Variants in GRB2 observed in about 807,000 individuals in gnomAD.
GRB2 encodes the protein growth factor receptor-bound protein 2.
In GRB2, 2 loss-of-function variants were observed where a neutral mutation model predicts 27.4. The observed-to-expected ratio is 0.07, with a 90% confidence interval of 0.03 to 0.23. GRB2 has a LOEUF of 0.23. GRB2 is among the 10% of genes least tolerant of loss of function. The pLI is 1.00. For missense variants in GRB2, 102 were observed against 282.4 expected (o/e 0.36, Z 4.58); for synonymous variants, 94 against 99.6 (o/e 0.94, Z 0.33).
rs564336224 is a variant in GRB2, at chr17:75,325,437, C to T, written c.299+461G>A. On this transcript the variant is annotated intron_variant, in intron 4 of 5. Coordinates refer to ENST00000316804, the MANE Select transcript of GRB2 (RefSeq NM_002086.5). The stretch of plus-strand genomic sequence containing the variant: ...TTACCCGCTCCCTTTCACACCTGAA[C>T]TTTCCACCGGGGAAATGCAAGCCCC... Among the ~76,000 whole-genome samples, 4 of 152,324 alleles carry T rather than the reference C, an allele frequency of 2.6e-5. No individual in the cohort carries two copies. The East Asian group carries it at 5.8e-4, about 22-fold the overall frequency.
At chr17:75,343,146 G>T (rs936851794) in intron 2 of GRB2, among the ~76,000 whole-genome samples, 4 of 151,606 alleles carry the variant, frequency 2.6e-5, no homozygotes, top group African/African-American at 9.7e-5. Context: ...GCTGGACCAG[G>T]GAGAGAGGAG....
intron 2 of GRB2, chr17:75,373,453 T>C (rs1271261426): frequency 6.6e-6 from 1 of 152,154 alleles, no homozygotes; most frequent in East Asian, 1.9e-4. Context: ...CAATTTAACT[T>C]CCAAGTTTAA....
chr17:75,382,301 G>C (rs530886093), intron 2 of GRB2, among the ~76,000 whole-genome samples: 70 of 151,658 alleles, frequency 4.6e-4, no homozygotes, highest in African/African-American at 1.6e-3. Flanking sequence ...TTAAACTAAA[G>C]AATAAATTAG....
intron 2 of GRB2, among the ~76,000 whole-genome samples, chr17:75,353,356 A>T (rs2078705933): frequency 6.6e-6 from 1 of 152,046 alleles, no homozygotes; most frequent in Non-Finnish European, 1.5e-5. Flanking sequence ...GACTGAAAAA[A>T]ATCCGTGTAT....
chr17:75,390,294 T>C (rs2078990173), intron 2 of GRB2, among the ~76,000 whole-genome samples: 1 of 152,154 alleles, frequency 6.6e-6, no homozygotes, highest in Non-Finnish European at 1.5e-5. Flanking sequence ...GTCTCTTAAT[T>C]CCTATAAGCA....
intron 2 of GRB2, among the ~76,000 whole-genome samples, chr17:75,382,954 C>G (rs2078938972): frequency 6.6e-6 from 1 of 152,172 alleles, no homozygotes; most frequent in Non-Finnish European, 1.5e-5. Context: ...CGTGATCCGC[C>G]TGCCTCGGCC....
chr17:75,404,976 G>A (rs1167002700), intron 1 of GRB2: 3 of 150,486 alleles, frequency 2.0e-5, no homozygotes, highest in Non-Finnish European at 4.4e-5. Flanking sequence ...TTTTTTAAGT[G>A]TCAGAATAAA....
intron 2 of GRB2, chr17:75,338,740 A>C (rs2078598997): frequency 1.9e-6 from 1 of 528,760 alleles, no homozygotes; most frequent in Non-Finnish European, 3.4e-6. Flanking sequence ...AATCAGGAAG[A>C]AATTTAAGAG....
chr17:75,363,483 G>A (rs1213507546), intron 2 of GRB2, among the ~76,000 whole-genome samples: 1 of 152,096 alleles, frequency 6.6e-6, no homozygotes, highest in Admixed American at 6.5e-5. Context: ...ACAAATGCAA[G>A]GAATGTTATA....
At chr17:75,357,835 C>T (rs185453459) in intron 2 of GRB2, among the ~76,000 whole-genome samples, 28 of 152,230 alleles carry the variant, frequency 1.8e-4, no homozygotes, top group Middle Eastern at 3.4e-3. Context: ...GCAGGAGAAC[C>T]GCTTGAATCT....
chr17:75,396,499 G>GC, intron 1 of GRB2, among the ~76,000 whole-genome samples: 1 of 152,150 alleles, frequency 6.6e-6, no homozygotes, highest in East Asian at 1.9e-4. Context: ...CTAGAGGCAG[G>GC]CCCCTCACGC....
chr17:75,345,658 C>T (rs992220105), intron 2 of GRB2, among the ~76,000 whole-genome samples: 79 of 152,226 alleles, frequency 5.2e-4, no homozygotes, highest in African/African-American at 1.9e-3. Flanking sequence ...AATCACATGA[C>T]AGAGGAAGAG....
At chr17:75,398,026 G>A (rs571549251) in intron 1 of GRB2, among the ~76,000 whole-genome samples, 16 of 152,062 alleles carry the variant, frequency 1.1e-4, no homozygotes, top group Non-Finnish European at 2.1e-4. Flanking sequence ...ATTTTTAGTA[G>A]AGATGGGGTT....
chr17:75,349,812 C>G (rs1044950051), intron 2 of GRB2, among the ~76,000 whole-genome samples: 14 of 152,188 alleles, frequency 9.2e-5, no homozygotes, highest in African/African-American at 3.4e-4. Flanking sequence ...CAGGCGTGAG[C>G]CACCACACCC....
intron 2 of GRB2, among the ~76,000 whole-genome samples, chr17:75,358,916 A>ATAAATATAT (rs1555611094): frequency 1.3e-5 from 1 of 78,538 alleles, no homozygotes; most frequent in African/African-American, 3.2e-5. Flanking sequence ...TATATATATA[A>ATAAATATAT]ATATATATAT....
At chr17:75,325,746 G>A (rs989306898) in intron 4 of GRB2, 152 bp downstream of exon 4, 2 of 820,184 alleles carry the variant, frequency 2.4e-6, no homozygotes, top group African/African-American at 3.4e-5. Flanking sequence ...CATTTTGAGA[G>A]GAGCCAGAAA....
intron 1 of GRB2, among the ~76,000 whole-genome samples, chr17:75,402,433 G>A (rs969097339): frequency 7.2e-5 from 11 of 152,150 alleles, no homozygotes; most frequent in African/African-American, 2.7e-4. Flanking sequence ...CATGCTTATA[G>A]TCACTCATTC....
intron 2 of GRB2, among the ~76,000 whole-genome samples, chr17:75,361,980 T>C (rs1226788658): frequency 1.3e-5 from 2 of 152,244 alleles, no homozygotes; most frequent in African/African-American, 4.8e-5. Context: ...GGCTCTCCAA[T>C]ACAAGGAAAG....
chr17:75,327,375 G>C (rs1472843369), intron 3 of GRB2, among the ~76,000 whole-genome samples: 8 of 147,724 alleles, frequency 5.4e-5, no homozygotes, highest in East Asian at 4.0e-4. Context: ...CACTACGCCC[G>C]GCCCTTTTTT....
Sources: gnomAD v4.1 joint callset for allele counts (sites outside exome capture counted in the v4.1 genomes callset) on GRCh38, gnomAD v4.1.1 for gene constraint, MANE v1.5 for transcripts, NCBI Gene and HGNC (gene_info 2026-07-23, HGNC 2026-07-21) for gene names.